The following CAMK1D variants were observed in gnomAD, a reference collection of about 807,000 sequenced individuals.
CAMK1D encodes the protein calcium/calmodulin dependent protein kinase ID.
CAMK1D carries 9 observed loss-of-function variants against 47.7 expected under a neutral mutation model. That is an observed-to-expected ratio of 0.19 (90% confidence interval 0.11 to 0.33). The LOEUF is 0.33. Among genes scored for constraint, CAMK1D ranks in the 10% least tolerant of loss-of-function variants. The pLI is 1.00. For missense variants in CAMK1D, 291 were observed against 488.7 expected (o/e 0.60, Z 3.81); for synonymous variants, 184 against 184.9 (o/e 0.99, Z 0.04).
intron 1 of CAMK1D, among the ~76,000 whole-genome samples, chr10:12,374,762 C>T (rs923175645): frequency 2.0e-5 from 3 of 151,792 alleles, no homozygotes; most frequent in Admixed American, 1.3e-4. Context: ...GCCAACATGG[C>T]GAAACCTTGT....
intron 2 of CAMK1D, among the ~76,000 whole-genome samples, chr10:12,577,884 A>G (rs1397508380): frequency 6.6e-6 from 1 of 152,200 alleles, no homozygotes; most frequent in Non-Finnish European, 1.5e-5. Flanking sequence ...CCAGTTATCT[A>G]CGTAAAAAAT....
chr10:12,509,392 G>C (rs1344012247), intron 1 of CAMK1D, among the ~76,000 whole-genome samples: 1 of 152,214 alleles, frequency 6.6e-6, no homozygotes, highest in East Asian at 1.9e-4. Context: ...TGCTTGTCTG[G>C]ACACAGGTGG....
chr10:12,515,832 C>T (rs1324999467), intron 1 of CAMK1D, among the ~76,000 whole-genome samples: 3 of 151,894 alleles, frequency 2.0e-5, no homozygotes, highest in East Asian at 1.9e-4. Flanking sequence ...AGGATGGTCT[C>T]GCTCTCCTGA....
chr10:12,599,849 C>T (rs1838250509), intron 2 of CAMK1D, among the ~76,000 whole-genome samples: 1 of 152,184 alleles, frequency 6.6e-6, no homozygotes, highest in South Asian at 2.1e-4. Context: ...TTATCATCAG[C>T]TAGAGGATTG....
rs373143689 is a variant in CAMK1D at position 12,458,376 on chromosome 10, C to G, written c.93-94849C>G. On this transcript the variant is annotated intron_variant, in intron 1 of 10. Coordinates refer to ENST00000619168, the MANE Select transcript of CAMK1D (RefSeq NM_153498.4). ...CCAGAGGGGACGTTCATTGCTGATA[C>G]ATATTCCTATGTGTTCATCATGCAT... Among the ~76,000 whole-genome samples, 64 of 152,252 alleles carry G rather than the reference C, an allele frequency of 4.2e-4. No individual in the cohort carries two copies. In the South Asian group the frequency reaches 0.013, roughly 30 times the overall value.
chr10:12,718,135 T>C (rs1238713276), intron 3 of CAMK1D, among the ~76,000 whole-genome samples: 1 of 152,124 alleles, frequency 6.6e-6, no homozygotes, highest in Non-Finnish European at 1.5e-5. Context: ...GATCCAAAGC[T>C]CGTCAAACCC....
chr10:12,521,243 A>G (rs527730303), intron 1 of CAMK1D, among the ~76,000 whole-genome samples: 2 of 152,216 alleles, frequency 1.3e-5, no homozygotes, highest in Admixed American at 1.3e-4. Context: ...CTTATTTCTC[A>G]TATAAGCACT....
chr10:12,833,884 A>G lies in CAMK1D; in HGVS notation c.*4997A>G, dbSNP rs1032203929. ...TCTGCGAACTTTGCCTTTTCCTTAA[A>G]CACATTCCAGACCAAACACTGTTCA... On this transcript the variant is annotated 3_prime_UTR_variant, in exon 11 of 11. Transcript: ENST00000619168. 2 of 150,644 alleles carry G rather than the reference A, an allele frequency of 1.3e-5. No homozygotes were observed. The highest frequency in any genetic ancestry group is 2.9e-5 in the Non-Finnish European group (2 of 67,888). The allele number at this position is 150,644 out of a possible 1,614,324, so 9.3% of individuals were successfully genotyped here.
At chr10:12,818,932 G>T (rs578194997) in intron 8 of CAMK1D, among the ~76,000 whole-genome samples, 33 of 152,270 alleles carry the variant, frequency 2.2e-4, no homozygotes, top group African/African-American at 7.0e-4. Context: ...GACGATAAAG[G>T]TAATAAAGGT....
chr10:12,400,726 G>A (rs1839144902), intron 1 of CAMK1D, among the ~76,000 whole-genome samples: 1 of 151,992 alleles, frequency 6.6e-6, no homozygotes, highest in Non-Finnish European at 1.5e-5. Context: ...CACAGATGGA[G>A]ACTTACAACT....
At chr10:12,424,191 C>G (rs1840149956) in intron 1 of CAMK1D, among the ~76,000 whole-genome samples, 1 of 152,096 alleles carries the variant, frequency 6.6e-6, no homozygotes, top group Non-Finnish European at 1.5e-5. Context: ...TCCAGCTGCT[C>G]CTGGATACCT....
intron 1 of CAMK1D, among the ~76,000 whole-genome samples, chr10:12,463,780 G>A (rs1188072142): frequency 1.3e-5 from 2 of 151,988 alleles, no homozygotes; most frequent in South Asian, 2.1e-4. Context: ...CCCATAATCC[G>A]CAGGTGTCAA....
intron 1 of CAMK1D, among the ~76,000 whole-genome samples, chr10:12,411,152 C>T (rs548867318): frequency 6.6e-6 from 1 of 152,328 alleles, no homozygotes; most frequent in African/African-American, 2.4e-5. Flanking sequence ...CCTGGGCCAG[C>T]CTGGGTGCCC....
chr10:12,717,952 A>G (rs1201262111), intron 3 of CAMK1D, among the ~76,000 whole-genome samples: 1 of 152,060 alleles, frequency 6.6e-6, no homozygotes, highest in Non-Finnish European at 1.5e-5. Context: ...ATTGAAAGAT[A>G]TAGATACTAT....
chr10:12,570,946 A>G (rs1253336151), intron 2 of CAMK1D, among the ~76,000 whole-genome samples: 2 of 151,946 alleles, frequency 1.3e-5, no homozygotes, highest in Non-Finnish European at 2.9e-5. Context: ...GTGAGACTTC[A>G]TGTCAATTAA....
intron 1 of CAMK1D, among the ~76,000 whole-genome samples, chr10:12,499,069 C>CTTTTT (rs35158100): frequency 2.0e-4 from 25 of 123,094 alleles, no homozygotes; most frequent in African/African-American, 7.4e-4. Flanking sequence ...TAAATTACAG[C>CTTTTT]TTTTTTTTTT....
chr10:12,765,465 A>T (rs1836707631), intron 4 of CAMK1D, among the ~76,000 whole-genome samples: 1 of 152,170 alleles, frequency 6.6e-6, no homozygotes, highest in Admixed American at 6.5e-5. Context: ...CTAAGGACTT[A>T]GACATTGACA....
At chr10:12,360,228 G>A (rs549848259) in intron 1 of CAMK1D, among the ~76,000 whole-genome samples, 64 of 152,300 alleles carry the variant, frequency 4.2e-4, no homozygotes, top group African/African-American at 1.5e-3. Flanking sequence ...ATTTGGTGCT[G>A]TAAATGGAAT....
chr10:12,677,563 C>T (rs775574752), intron 3 of CAMK1D, among the ~76,000 whole-genome samples: 2 of 152,054 alleles, frequency 1.3e-5, no homozygotes, highest in African/African-American at 2.4e-5. Context: ...GGAGGAGACA[C>T]CTTAAATGGA....
Sources: gnomAD v4.1 joint callset for allele counts (sites outside exome capture counted in the v4.1 genomes callset) on GRCh38, gnomAD v4.1.1 for gene constraint, MANE v1.5 for transcripts, NCBI Gene and HGNC (gene_info 2026-07-23, HGNC 2026-07-21) for gene names.